Variants in FAR2 observed in about 807,000 individuals in gnomAD.
The protein encoded by FAR2 is epididymis secretory protein Li 81.
In FAR2, 19 loss-of-function variants were observed where a neutral mutation model predicts 56.0. The ratio of observed to expected loss-of-function variants is 0.34; its 90% CI spans 0.24 to 0.50. The LOEUF is 0.50. FAR2 is among the 20% of genes least tolerant of loss of function. The pLI is 0.98. For synonymous variants in FAR2, 219 were observed against 218.8 expected (o/e 1.00, Z -0.01); for missense variants, 508 against 642.2 (o/e 0.79, Z 2.26).
At chr12:29,286,370 T>A (rs1948877079) in intron 2 of FAR2, among the ~76,000 whole-genome samples, 1 of 152,190 alleles carries the variant, frequency 6.6e-6, no homozygotes, top group Non-Finnish European at 1.5e-5. Flanking sequence ...GTCCATACTT[T>A]CCCTATTGTA....
At chr12:29,292,867 G>C (rs1452874241) in intron 2 of FAR2, among the ~76,000 whole-genome samples, 1 of 152,154 alleles carries the variant, frequency 6.6e-6, no homozygotes, top group Non-Finnish European at 1.5e-5. Context: ...ATCTGGGATT[G>C]ATAAGGTTGA....
intron 8 of FAR2, 78 bp downstream of exon 8, chr12:29,312,028 C>A: frequency 9.6e-7 from 1 of 1,047,096 alleles, no homozygotes; most frequent in Non-Finnish European, 1.4e-6. Context: ...TGTCATGGAG[C>A]TTAGAGCTTA....
chr12:29,237,129 A>G (rs1162858338), intron 1 of FAR2, among the ~76,000 whole-genome samples: 1 of 152,134 alleles, frequency 6.6e-6, no homozygotes, highest in Non-Finnish European at 1.5e-5. Context: ...CCAAACTGAA[A>G]CGCATTGTTA....
At chr12:29,191,974 A>G (rs1180281889) in intron 1 of FAR2, among the ~76,000 whole-genome samples, 3 of 152,244 alleles carry the variant, frequency 2.0e-5, no homozygotes, top group Non-Finnish European at 4.4e-5. Flanking sequence ...TAAAATAAAT[A>G]GTGGACTCTT....
intron 3 of FAR2, among the ~76,000 whole-genome samples, chr12:29,294,716 A>C (rs1041060868): frequency 6.6e-6 from 1 of 152,176 alleles, no homozygotes; most frequent in African/African-American, 2.4e-5. Flanking sequence ...TTTCAAGTCA[A>C]TTATTTATGC....
chr12:29,169,788 G>A lies in FAR2; in HGVS notation c.-39+20381G>A, dbSNP rs116489805. On this transcript the variant is annotated intron_variant, in intron 1 of 11. Transcript: ENST00000536681. ...AAACTGTCTGAGAAATCCTTTGAGA[G>A]TTTGTAGTAGTAGGATAATGTAGTA... is the stretch of plus-strand genomic sequence containing the variant. Among the ~76,000 whole-genome samples the A allele has an allele frequency of 7.0e-3, 1,069 of 152,238 alleles. 7 individuals are homozygous for A. The highest frequency in any genetic ancestry group is 0.025 in the African/African-American group (1,026 of 41,540).
chr12:29,269,142 G>T (rs988577595), intron 1 of FAR2, among the ~76,000 whole-genome samples: 3 of 152,150 alleles, frequency 2.0e-5, no homozygotes, highest in South Asian at 2.1e-4. Context: ...AAGCCTGGGA[G>T]TGCTATAGGA....
intron 1 of FAR2, among the ~76,000 whole-genome samples, chr12:29,259,114 A>T (rs1199583737): frequency 1.3e-5 from 2 of 152,218 alleles, no homozygotes; most frequent in African/African-American, 4.8e-5. Context: ...CTGGTATGAA[A>T]TGAAAATTAA....
intron 8 of FAR2, among the ~76,000 whole-genome samples, chr12:29,312,247 G>A (rs1392211899): frequency 6.6e-6 from 1 of 152,098 alleles, no homozygotes; most frequent in Non-Finnish European, 1.5e-5. Flanking sequence ...GAATGTCAGT[G>A]ATAAAATACT....
chr12:29,262,269 A>G (rs1948433415), intron 1 of FAR2, among the ~76,000 whole-genome samples: 1 of 152,112 alleles, frequency 6.6e-6, no homozygotes, highest in Admixed American at 6.5e-5. Flanking sequence ...GGGTTATAAG[A>G]TAGCATTTGC....
chr12:29,250,905 A>G (rs2136676302), intron 1 of FAR2, among the ~76,000 whole-genome samples: 1 of 152,316 alleles, frequency 6.6e-6, no homozygotes, highest in Non-Finnish European at 1.5e-5. Context: ...AGCTCCTGTC[A>G]CTGAATTGGA....
chr12:29,188,000 A>G (rs1026061341), intron 1 of FAR2, among the ~76,000 whole-genome samples: 3 of 152,140 alleles, frequency 2.0e-5, no homozygotes, highest in Admixed American at 2.0e-4. Context: ...TGTTCTGGCT[A>G]TTTCAGAATC....
chr12:29,209,674 C>T (rs183939660), intron 1 of FAR2, among the ~76,000 whole-genome samples: 1 of 149,122 alleles, frequency 6.7e-6, no homozygotes, highest in Admixed American at 6.8e-5. Flanking sequence ...TTTTCTGCTA[C>T]AAAGAAGGAT....
intron 1 of FAR2, among the ~76,000 whole-genome samples, chr12:29,249,747 T>C (rs896647411): frequency 6.6e-5 from 10 of 152,192 alleles, no homozygotes; most frequent in African/African-American, 2.4e-4. Flanking sequence ...TATTTTATTA[T>C]TATTAGTTTT....
chr12:29,180,721 TTATCTATCTATC>T lies in FAR2; in HGVS notation c.-39+31354_-39+31365del, dbSNP rs59448421. Among the ~76,000 whole-genome samples, 467 of 146,598 alleles carry T rather than the reference TTATCTATCTATC, an allele frequency of 3.2e-3. 2 individuals carry two copies. Among genetic ancestry groups the T allele is most frequent in the Non-Finnish European group, 4.1e-3 (271 of 66,622 alleles). On this transcript the variant is annotated intron_variant, in intron 1 of 11. Transcript: ENST00000536681. The stretch of plus-strand genomic sequence containing the variant: ...TAAGATCACATGTATTATTCATTGT[TTATCTATCTATC>T]TATCTATCTATCTATCTATCTATCT...
chr12:29,265,496 C>T (rs917397950), intron 1 of FAR2, among the ~76,000 whole-genome samples: 9 of 152,058 alleles, frequency 5.9e-5, no homozygotes, highest in African/African-American at 2.2e-4. Flanking sequence ...GAAACTAGAC[C>T]CCTATCTCTT....
At chr12:29,278,471 C>T (rs1026234492) in intron 2 of FAR2, among the ~76,000 whole-genome samples, 14 of 151,922 alleles carry the variant, frequency 9.2e-5, no homozygotes, top group Admixed American at 3.3e-4. Flanking sequence ...TCCCAAGTAG[C>T]TGGGACCACA....
intron 1 of FAR2, among the ~76,000 whole-genome samples, chr12:29,183,566 C>T (rs546824855): frequency 6.6e-6 from 1 of 152,178 alleles, no homozygotes; most frequent in South Asian, 2.1e-4. Context: ...CTGCCATATT[C>T]ATCTCACCAT....
intron 1 of FAR2, among the ~76,000 whole-genome samples, chr12:29,220,187 C>T (rs963822828): frequency 6.6e-6 from 1 of 152,140 alleles, no homozygotes; most frequent in Non-Finnish European, 1.5e-5. Flanking sequence ...GTCAATTTTT[C>T]GTTAAGACCT....
Sources: allele counts gnomAD v4.1 joint callset (sites outside exome capture counted in the v4.1 genomes callset), GRCh38; gene constraint gnomAD v4.1.1; transcripts MANE v1.5; gene names NCBI Gene and HGNC (gene_info 2026-07-23, HGNC 2026-07-21).